ARHGEF26: variants seen among roughly 807,000 people sequenced by gnomAD.
The protein encoded by ARHGEF26 is Rho guanine nucleotide exchange factor 26.
ARHGEF26 carries 59 observed loss-of-function variants against 89.4 expected under a neutral mutation model. That is an observed-to-expected ratio of 0.66 (90% CI 0.54 to 0.82). The LOEUF (loss-of-function observed/expected upper bound fraction) is 0.82. Ranked by LOEUF, ARHGEF26 falls within the 40% of genes least tolerant of loss-of-function variation. The pLI, the probability that ARHGEF26 is intolerant of heterozygous loss-of-function variation, is 0.00. For missense variants in ARHGEF26, 1,234 were observed against 1,085.6 expected (o/e 1.14, Z -1.92); for synonymous variants, 500 against 428.4 (o/e 1.17, Z -2.06).
chr3:154,147,878 T>C (rs1391220156), intron 4 of ARHGEF26, among the ~76,000 whole-genome samples: 6 of 152,166 alleles, frequency 3.9e-5, no homozygotes, highest in Non-Finnish European at 8.8e-5. Context: ...TCTCCCCTGA[T>C]TGTCTCTTCT....
rs1204917096 is a variant in ARHGEF26, at chr3:154,240,370, T to C, written c.2091T>C (p.Ser697=). ...NDVLIITKKK[S]EESYNVNDYS... is the part of the protein sequence containing the mutation. ...GTGTTCTTTTCCCTTTCCTTTACAG[T>C]GAAGAAAGTTACAACGTCAATGATT... The change falls in exon 12 of 15, where the codon AGT becomes AGC. Residue 697 remains serine (S), a splice_region_variant and synonymous_variant. Transcript: ENST00000465093. The C allele has an allele frequency of 6.3e-7, 1 of 1,598,490 alleles. No individual in the cohort carries two copies. The highest frequency in any genetic ancestry group is 8.6e-7 in the Non-Finnish European group (1 of 1,169,422).
chr3:154,215,921 AAAAAG>A (rs1350027119), intron 9 of ARHGEF26, among the ~76,000 whole-genome samples: 1 of 152,200 alleles, frequency 6.6e-6, no homozygotes, highest in Non-Finnish European at 1.5e-5. Context: ...TGATAAGTGA[AAAAAG>A]AAAAAAGACA....
chr3:154,146,272 G>A (rs560071399), intron 4 of ARHGEF26, among the ~76,000 whole-genome samples: 1 of 152,294 alleles, frequency 6.6e-6, no homozygotes, highest in Admixed American at 6.5e-5. Flanking sequence ...TCCCATTCAT[G>A]GAGCAAAGCT....
chr3:154,256,669 A>T lies in ARHGEF26; in HGVS notation c.*1196A>T. ...CTGTTCCAACTCGTTTCCAAATAGA[A>T]ATTAGCTGGAACACACTACAGTAAT... is the stretch of plus-strand genomic sequence containing the variant. On this transcript the variant is annotated 3_prime_UTR_variant, in exon 15 of 15. Coordinates refer to ENST00000465093, the MANE Select transcript of ARHGEF26 (RefSeq NM_015595.4). The T allele has an allele frequency of 3.3e-6, 4 of 1,215,974 alleles. No individual in the cohort carries two copies. Among genetic ancestry groups the T allele is most frequent in the Non-Finnish European group, 2.0e-6 (2 of 979,066 alleles). 75.3% of individuals were successfully genotyped at this position (1,215,974 alleles called of 1,614,324 possible). A position where few individuals can be genotyped will look rare whatever the true frequency, so the allele number is the denominator to read the frequency against.
At chr3:154,249,077 G>T (rs1057069310) in intron 12 of ARHGEF26, among the ~76,000 whole-genome samples, 1 of 152,314 alleles carries the variant, frequency 6.6e-6, no homozygotes, top group Admixed American at 6.5e-5. Flanking sequence ...AAGGTAACTG[G>T]TCAAATGCCA....
rs1718022161 is a variant in ARHGEF26 at position 154,122,462 on chromosome 3, C to A, written c.470C>A (p.Thr157Asn). The A allele has an allele frequency of 1.2e-6, 2 of 1,612,312 alleles. No individual in the cohort carries two copies. The highest frequency in any genetic ancestry group is 1.3e-5 in the African/African-American group (1 of 75,028). Residue 157 changes from threonine (T) to asparagine (N), a missense_variant, in exon 2 of 15, where the codon ACC (threonine) becomes AAC (asparagine). Physicochemically the swap from Thr to Asn is moderately conservative, Grantham distance 65. Transcript: ENST00000465093. ...ACTCCTAACGCGCCCGCCCCCTGCA[C>A]CCCCGAGGAGGACCTTACTGGGTTG... ...PRTPNAPAPC[T>N]PEEDLTGLTA...
At chr3:154,178,815 A>G (rs1225433122) in intron 6 of ARHGEF26, among the ~76,000 whole-genome samples, 2 of 152,110 alleles carry the variant, frequency 1.3e-5, no homozygotes, top group African/African-American at 4.8e-5. Context: ...TCTTAAGTGG[A>G]TATGTGTAGA....
chr3:154,251,792 A>C (rs1006743349), intron 12 of ARHGEF26, among the ~76,000 whole-genome samples: 3 of 152,220 alleles, frequency 2.0e-5, no homozygotes, highest in Admixed American at 2.0e-4. Flanking sequence ...ATGGTAATAG[A>C]AATTCCATGG....
At chr3:154,182,065 A>T (rs1713218451) in intron 6 of ARHGEF26, among the ~76,000 whole-genome samples, 2 of 151,538 alleles carry the variant, frequency 1.3e-5, no homozygotes, top group South Asian at 2.1e-4. Context: ...ATACACACAC[A>T]ATATATATAT....
Position 154,218,077 on chromosome 3 carries a change from T to G in ARHGEF26, c.1935+119T>G, listed in dbSNP as rs951857297. 8.9e-6 allele frequency: 8 copies of G among 897,338 alleles called. No individual in the cohort carries two copies. In the African/African-American group the frequency reaches 1.3e-4, roughly 15 times the overall value. 55.6% of individuals were successfully genotyped at this position (897,338 alleles called of 1,614,324 possible). ...TTTTCAAAGAAGGGTCATAAATTGC[T>G]AAGAGGGAGTAGCAGATGCTTCAGG... On this transcript the variant is annotated intron_variant, in intron 10 of 14. Coordinates refer to ENST00000465093, the MANE Select transcript of ARHGEF26 (RefSeq NM_015595.4).
At chr3:154,246,589 G>A (rs909488391) in intron 12 of ARHGEF26, among the ~76,000 whole-genome samples, 4 of 152,120 alleles carry the variant, frequency 2.6e-5, no homozygotes, top group Non-Finnish European at 2.9e-5. Flanking sequence ...GAGATATCTC[G>A]AGAAACACTG....
intron 4 of ARHGEF26, among the ~76,000 whole-genome samples, chr3:154,130,781 T>C (rs1056546678): frequency 3.3e-5 from 5 of 152,184 alleles, no homozygotes; most frequent in Non-Finnish European, 5.9e-5. Flanking sequence ...CCAGTACACC[T>C]CCATGAGTCC....
intron 4 of ARHGEF26, among the ~76,000 whole-genome samples, chr3:154,138,165 A>G (rs554063578): frequency 1.2e-4 from 18 of 152,348 alleles, no homozygotes; most frequent in Admixed American, 3.3e-4. Flanking sequence ...GGAGTGTCAT[A>G]CATGCTTTAA....
intron 11 of ARHGEF26, among the ~76,000 whole-genome samples, chr3:154,227,965 AATAAAT>A (rs558370021): frequency 3.3e-5 from 5 of 152,218 alleles, no homozygotes; most frequent in Non-Finnish European, 7.3e-5. Context: ...AGACCTACTC[AATAAAT>A]ATAGACTATT....
At chr3:154,202,805 T>TC (rs1714734322) in intron 9 of ARHGEF26, among the ~76,000 whole-genome samples, 3 of 145,774 alleles carry the variant, frequency 2.1e-5, no homozygotes, top group Non-Finnish European at 3.0e-5. Flanking sequence ...TCTCTGTCTG[T>TC]TATTGGTGTA....
intron 9 of ARHGEF26, among the ~76,000 whole-genome samples, chr3:154,211,925 C>T (rs1006740846): frequency 5.9e-5 from 9 of 151,884 alleles, no homozygotes; most frequent in African/African-American, 1.9e-4. Context: ...GAATCATGCA[C>T]ATTACACTTT....
chr3:154,245,218 G>T (rs889198495), intron 12 of ARHGEF26, among the ~76,000 whole-genome samples: 1 of 152,020 alleles, frequency 6.6e-6, no homozygotes, highest in Non-Finnish European at 1.5e-5. Flanking sequence ...AGTAGAGACG[G>T]GGTTTCACCA....
intron 4 of ARHGEF26, among the ~76,000 whole-genome samples, chr3:154,136,407 C>T (rs1719011509): frequency 6.6e-6 from 1 of 152,076 alleles, no homozygotes; most frequent in African/African-American, 2.4e-5. Context: ...GTCTCTGGTT[C>T]TGGGCTCAGC....
intron 11 of ARHGEF26, among the ~76,000 whole-genome samples, chr3:154,239,398 G>A (rs954490511): frequency 6.6e-6 from 1 of 150,676 alleles, no homozygotes; most frequent in Non-Finnish European, 1.5e-5. Context: ...CAAGGGAGAG[G>A]ATCGGAAACG....
Sources: allele counts gnomAD v4.1 joint callset (sites outside exome capture counted in the v4.1 genomes callset), GRCh38; gene constraint gnomAD v4.1.1; transcripts MANE v1.5; gene names NCBI Gene and HGNC (gene_info 2026-07-23, HGNC 2026-07-21).